The following SRFBP1 variants were observed in gnomAD, a reference collection of about 807,000 sequenced individuals.
SRFBP1 encodes serum response factor-binding protein 1.
SRFBP1 carries 47 observed loss-of-function variants against 45.5 expected under a neutral mutation model. The observed-to-expected ratio is 1.03, with a 90% confidence interval of 0.82 to 1.32. SRFBP1 has a LOEUF of 1.32. SRFBP1 is among the 40% of genes most tolerant of loss of function. SRFBP1 has a pLI of 0.00. For synonymous variants in SRFBP1, 203 were observed against 166.3 expected, an observed-to-expected ratio of 1.22 and a Z score of -1.70; for missense variants, 621 against 484.6, an observed-to-expected ratio of 1.28 and a Z score of -2.64.
rs192788951 is a variant in SRFBP1, at chr5:121,994,428, G to A, written c.199-171G>A. 4.5e-4 allele frequency among the ~76,000 whole-genome samples: 69 copies of A among 151,870 alleles called. No individual in the cohort carries two copies. The East Asian group carries it at 6.0e-3, about 13-fold the overall frequency. ...GGCACATTACACTAATTCACATTCC[G>A]TTATATTCCTGATGTTTCCTTTCAA... is the stretch of plus-strand genomic sequence containing the variant. On this transcript the variant is annotated intron_variant, in intron 3 of 7. Coordinates refer to ENST00000339397, the MANE Select transcript of SRFBP1 (RefSeq NM_152546.3).
intron 4 of SRFBP1, 67 bp downstream of exon 4, chr5:121,994,737 T>TG: frequency 9.2e-7 from 1 of 1,086,246 alleles, no homozygotes; most frequent in East Asian, 2.6e-5. Context: ...ACTTTTTTCT[T>TG]GAAGAGAAAA....
intron 1 of SRFBP1, among the ~76,000 whole-genome samples, chr5:121,972,369 A>G (rs1752218579): frequency 6.6e-6 from 1 of 151,964 alleles, no homozygotes; most frequent in East Asian, 1.9e-4. Flanking sequence ...AAAGAGAGAA[A>G]GGAGGACGGA....
intron 2 of SRFBP1, among the ~76,000 whole-genome samples, chr5:122,046,448 G>C (rs1356553058): frequency 6.6e-6 from 1 of 152,142 alleles, no homozygotes; most frequent in East Asian, 1.9e-4. Flanking sequence ...GTCTATCATT[G>C]TTGGACATTT....
chr5:122,021,340 CA>C (rs1309310165), intron 6 of SRFBP1, among the ~76,000 whole-genome samples: 1 of 152,138 alleles, frequency 6.6e-6, no homozygotes, highest in Non-Finnish European at 1.5e-5. Flanking sequence ...TGTTATAAAA[CA>C]GTAAGTTTAA....
downstream of SRFBP1, chr5:122,076,935 A>T: frequency 1.2e-6 from 2 of 1,613,808 alleles, no homozygotes; most frequent in Non-Finnish European, 1.7e-6. Context: ...CAGGTTGTAC[A>T]TGGACATCTT....
chr5:122,076,204 A>T (rs1754625816), downstream of SRFBP1: 1 of 152,216 alleles, frequency 6.6e-6, no homozygotes, highest in African/African-American at 2.4e-5. Context: ...ACAAATAAAC[A>T]TCACTGTGTT....
intron 3 of SRFBP1, among the ~76,000 whole-genome samples, chr5:121,992,509 C>G (rs987432864): frequency 6.6e-6 from 1 of 151,972 alleles, no homozygotes; most frequent in Non-Finnish European, 1.5e-5. Flanking sequence ...GATAATAACT[C>G]CATCTTAAAA....
intron 1 of SRFBP1, among the ~76,000 whole-genome samples, chr5:121,964,179 C>G (rs1225736010): frequency 2.6e-5 from 4 of 151,894 alleles, no homozygotes; most frequent in Non-Finnish European, 5.9e-5. Flanking sequence ...TACATTGACT[C>G]TTCTCAAACT....
At position 121,991,603 on chromosome 5, in the gene SRFBP1, A is replaced by T. The variant is rs147149073; in HGVS notation, c.199-2996A>T. Among the ~76,000 whole-genome samples the T allele has an allele frequency of 2.0e-5, 3 of 152,282 alleles. No individual in the cohort carries two copies. The East Asian group carries it at 5.8e-4, about 29-fold the overall frequency. On this transcript the variant is annotated intron_variant, in intron 3 of 7. Coordinates refer to ENST00000339397, the MANE Select transcript of SRFBP1 (RefSeq NM_152546.3). ...GCCTTATTCTGAAAGTCAGTACCTG[A>T]TTTCTTCTGAATAAGAAGTATAGGA...
downstream of SRFBP1, chr5:122,077,229 A>T: frequency 6.7e-7 from 1 of 1,503,452 alleles, no homozygotes; most frequent in South Asian, 1.3e-5. The surrounding 1 kb of genome is among the most constrained non-coding windows in gnomAD (Gnocchi z 4.9). Flanking sequence ...CTGCCACTGC[A>T]GGCGCGTGGG....
At chr5:121,974,394 A>G (rs923541783) in intron 2 of SRFBP1, 110 bp downstream of exon 2, 5 of 728,466 alleles carry the variant, frequency 6.9e-6, no homozygotes, top group East Asian at 2.8e-5. Context: ...TAAATGTCTT[A>G]TACACCATTT....
chr5:121,986,637 A>G (rs932008956), intron 3 of SRFBP1, among the ~76,000 whole-genome samples: 2 of 152,002 alleles, frequency 1.3e-5, no homozygotes, highest in African/African-American at 4.8e-5. Context: ...CCTTTAAGCC[A>G]GCCTACATAG....
At chr5:122,018,749 C>T (rs894095919) in intron 4 of SRFBP1, among the ~76,000 whole-genome samples, 2 of 152,118 alleles carry the variant, frequency 1.3e-5, no homozygotes, top group African/African-American at 4.8e-5. Context: ...TGTTCCCATT[C>T]AGTCTAGGCC....
chr5:121,962,565 C>A (rs949595975), intron 1 of SRFBP1, among the ~76,000 whole-genome samples: 2 of 152,278 alleles, frequency 1.3e-5, no homozygotes, highest in East Asian at 3.9e-4. Flanking sequence ...CAGTTAGTGT[C>A]CTATTTCTTT....
At chr5:121,999,251 GCTTAA>G (rs1164197954) in intron 4 of SRFBP1, among the ~76,000 whole-genome samples, 2 of 151,994 alleles carry the variant, frequency 1.3e-5, no homozygotes, top group African/African-American at 4.8e-5. Context: ...GAAATGTGTT[GCTTAA>G]TTTCCAGACC....
chr5:122,016,325 A>AG (rs145177959), intron 4 of SRFBP1, among the ~76,000 whole-genome samples: 12,545 of 152,208 alleles, frequency 0.082, 829 homozygotes, highest in African/African-American at 0.18. Context: ...GAAATGTACA[A>AG]GGATGTAAAT....
chr5:121,962,514 T>C (rs1751969682), intron 1 of SRFBP1, among the ~76,000 whole-genome samples: 1 of 152,224 alleles, frequency 6.6e-6, no homozygotes, highest in African/African-American at 2.4e-5. Context: ...AAATTGGTGG[T>C]CTTGAATGAG....
intron 2 of SRFBP1, among the ~76,000 whole-genome samples, chr5:122,058,480 T>C (rs1441730524): frequency 6.6e-6 from 1 of 151,336 alleles, no homozygotes; most frequent in African/African-American, 2.4e-5. Flanking sequence ...ATCTGTAGAA[T>C]GAAGAAAATA....
intron 4 of SRFBP1, among the ~76,000 whole-genome samples, chr5:122,006,746 T>C (rs1469942872): frequency 6.6e-6 from 1 of 152,126 alleles, no homozygotes; most frequent in East Asian, 1.9e-4. Context: ...TTTTCATATA[T>C]GTAATTTTAG....
Sources: gnomAD v4.1 joint callset for allele counts (sites outside exome capture counted in the v4.1 genomes callset) on GRCh38, gnomAD v4.1.1 for gene constraint, Gnocchi (gnomAD v3.1) non-coding constraint, MANE v1.5 for transcripts, NCBI Gene and HGNC (gene_info 2026-07-23, HGNC 2026-07-21) for gene names.